KLF8: variants seen among roughly 807,000 people sequenced by gnomAD.
KLF8 encodes Krueppel-like factor 8.
A neutral mutation model predicts 18.2 loss-of-function variants in KLF8; 10 were observed. That is an observed-to-expected ratio of 0.55 (90% confidence interval 0.34 to 0.93). KLF8 has a LOEUF of 0.93. Among genes scored for constraint, KLF8 ranks in the 40% least tolerant of loss-of-function variants. The pLI is 0.02. For synonymous variants in KLF8, 109 were observed against 97.3 expected (o/e 1.12, Z -0.71); for missense variants, 264 against 277.9 (o/e 0.95, Z 0.36).
the KLF8 span, among the ~76,000 whole-genome samples, chrX:56,097,553 A>G: frequency 1.9e-5 from 2 of 106,074 alleles, no homozygotes; most frequent in Admixed American, 1.0e-4. Context: ...GTTTTAGGGT[A>G]CATGTGCGCA....
At chrX:55,918,696 G>A in the KLF8 span, among the ~76,000 whole-genome samples, 1 of 111,490 alleles carries the variant, frequency 9.0e-6, no homozygotes, top group African/African-American at 3.3e-5. Flanking sequence ...TCTAATTTCT[G>A]TCTCTCTCTT....
the KLF8 span, among the ~76,000 whole-genome samples, chrX:56,206,519 G>A: frequency 8.9e-6 from 1 of 112,104 alleles, no homozygotes; most frequent in Non-Finnish European, 1.9e-5. Context: ...AATCCAATGG[G>A]GCAGTCAAAT....
chrX:56,019,085 G>C, the KLF8 span, among the ~76,000 whole-genome samples: 2 of 111,708 alleles, frequency 1.8e-5, no homozygotes, highest in African/African-American at 6.5e-5. Context: ...CCATACTGCT[G>C]TTTAAGTCTG....
At chrX:56,131,324 G>A in the KLF8 span, among the ~76,000 whole-genome samples, 1 of 111,419 alleles carries the variant, frequency 9.0e-6, no homozygotes, top group Non-Finnish European at 1.9e-5. Context: ...AAGGAGTTGG[G>A]GCCCTATCTT....
the KLF8 span, among the ~76,000 whole-genome samples, chrX:56,022,551 C>CAAAAAAAAAAAAAAAAAAAAA: frequency 3.7e-5 from 1 of 27,306 alleles, no homozygotes; most frequent in African/African-American, 1.0e-4. Flanking sequence ...TCTGTCTGAC[C>CAAAAAAAAAAAAAAAAAAAAA]AAAAAAAAAA....
intron 5 of KLF8, among the ~76,000 whole-genome samples, chrX:56,276,121 C>G (rs1479056655): frequency 9.0e-6 from 1 of 110,643 alleles, no homozygotes; most frequent in Non-Finnish European, 1.9e-5. Flanking sequence ...GGCTTTCCTT[C>G]CTGGGAGACC....
At chrX:56,057,502 G>A in the KLF8 span, among the ~76,000 whole-genome samples, 1 of 111,703 alleles carries the variant, frequency 9.0e-6, no homozygotes, top group Non-Finnish European at 1.9e-5. Flanking sequence ...ATTGTGAGGA[G>A]GTAGCAGAAA....
the KLF8 span, among the ~76,000 whole-genome samples, chrX:56,047,091 T>A: frequency 9.1e-6 from 1 of 110,027 alleles, no homozygotes; most frequent in African/African-American, 3.3e-5. Flanking sequence ...ATGATTTGGG[T>A]TAATTTGAAA....
the KLF8 span, among the ~76,000 whole-genome samples, chrX:56,042,727 G>A: frequency 3.6e-5 from 4 of 111,521 alleles, no homozygotes; most frequent in African/African-American, 9.8e-5. Flanking sequence ...GAGCCTATGT[G>A]TGTGTTTTTG....
chrX:56,082,986 G>C, the KLF8 span, among the ~76,000 whole-genome samples: 1 of 111,884 alleles, frequency 8.9e-6, no homozygotes. Context: ...TTGGCACTTT[G>C]AATATAATGT....
At chrX:56,007,655 T>G in the KLF8 span, among the ~76,000 whole-genome samples, 1 of 111,869 alleles carries the variant, frequency 8.9e-6, no homozygotes, top group African/African-American at 3.3e-5. Context: ...GATTATCTAC[T>G]TGCTGTTTTT....
chrX:55,958,282 C>T, the KLF8 span, among the ~76,000 whole-genome samples: 1 of 112,094 alleles, frequency 8.9e-6, no homozygotes, highest in African/African-American at 3.2e-5. Flanking sequence ...TGCTATGAGA[C>T]TCAGCTTAAC....
the KLF8 span, among the ~76,000 whole-genome samples, chrX:55,959,020 CTGT>C: frequency 1.4e-4 from 16 of 112,025 alleles, no homozygotes; most frequent in Admixed American, 4.7e-4. Flanking sequence ...CTCCATCAGA[CTGT>C]TGTTGCTGCA....
chrX:56,058,537 G>A, the KLF8 span, among the ~76,000 whole-genome samples: 1 of 93,318 alleles, frequency 1.1e-5, no homozygotes, highest in African/African-American at 3.8e-5. Flanking sequence ...GGTGTGTGAT[G>A]TTTCCTTCCC....
the KLF8 span, among the ~76,000 whole-genome samples, chrX:56,050,744 G>A: frequency 4.1e-4 from 46 of 112,247 alleles, no homozygotes; most frequent in African/African-American, 1.2e-3. Context: ...TGTATATTCT[G>A]TTGATTTGTG....
At chrX:56,158,117 G>C in the KLF8 span, among the ~76,000 whole-genome samples, 1 of 111,750 alleles carries the variant, frequency 8.9e-6, no homozygotes, top group African/African-American at 3.3e-5. Flanking sequence ...TGGCTAGCCA[G>C]TTTTCCCAGC....
the KLF8 span, among the ~76,000 whole-genome samples, chrX:56,181,581 T>C: frequency 8.9e-6 from 1 of 111,849 alleles, no homozygotes; most frequent in African/African-American, 3.3e-5. Context: ...CAGTTTGGCA[T>C]GTTTTTCAGT....
intron 3 of KLF8, chrX:56,267,953 C>G (rs1037843112): frequency 9.1e-6 from 1 of 110,473 alleles, no homozygotes; most frequent in Non-Finnish European, 1.9e-5. Flanking sequence ...TCCCCATCCC[C>G]CTCCCCACTA....
At chrX:56,109,461 A>G in the KLF8 span, among the ~76,000 whole-genome samples, 2 of 109,894 alleles carry the variant, frequency 1.8e-5, no homozygotes, top group African/African-American at 6.6e-5. Context: ...AAAAATATGT[A>G]TTCTAATGTT....
Sources: gnomAD v4.1 joint callset for allele counts (sites outside exome capture counted in the v4.1 genomes callset) on GRCh38, gnomAD v4.1.1 for gene constraint, MANE v1.5 for transcripts, NCBI Gene and HGNC (gene_info 2026-07-23, HGNC 2026-07-21) for gene names.